Variants in RSBN1 observed in about 807,000 individuals in gnomAD.
RSBN1 encodes lysine-specific demethylase 9.
In RSBN1, 23 loss-of-function variants were observed where a neutral mutation model predicts 74.8. That is an observed-to-expected ratio of 0.31 (90% CI 0.22 to 0.44). The LOEUF (loss-of-function observed/expected upper bound fraction) is 0.44. RSBN1 is among the 20% of genes least tolerant of loss of function. The pLI, the probability that RSBN1 is intolerant of heterozygous loss-of-function variation, is 1.00. For missense variants in RSBN1, 808 were observed against 1,020.9 expected, an observed-to-expected ratio of 0.79 and a Z score of 2.84; for synonymous variants, 407 against 379.6, an observed-to-expected ratio of 1.07 and a Z score of -0.84.
chr1:113,766,836 C>T (rs1659789538), intron 6 of RSBN1, among the ~76,000 whole-genome samples: 1 of 152,208 alleles, frequency 6.6e-6, no homozygotes, highest in African/African-American at 2.4e-5. Flanking sequence ...ACAAGTGAGA[C>T]AGCTCATGGC....
chr1:113,786,428 G>C (rs1198890080), intron 2 of RSBN1, among the ~76,000 whole-genome samples: 1 of 152,176 alleles, frequency 6.6e-6, no homozygotes, highest in Non-Finnish European at 1.5e-5. Context: ...CTGAGATGGG[G>C]AGAGTCTCCT....
In RSBN1 at chr1:113,765,953, T is replaced by TA. The variant is rs1486337973; in HGVS notation, c.*26dup. ...ACTTCACATCAAAATTTAAAAAAGT[T>TA]AAAAAATGTGTTTGAATATGTACAT... On this transcript the variant is annotated 3_prime_UTR_variant, in exon 7 of 7. Transcript: ENST00000261441. The TA allele has an allele frequency of 6.5e-7, 1 of 1,550,382 alleles. No individual in the cohort carries two copies. Among genetic ancestry groups the TA allele is most frequent in the East Asian group, 2.3e-5 (1 of 43,994 alleles).
At chr1:113,775,441 A>G (rs894991882) in intron 4 of RSBN1, among the ~76,000 whole-genome samples, 1 of 152,032 alleles carries the variant, frequency 6.6e-6, no homozygotes, top group Non-Finnish European at 1.5e-5. Flanking sequence ...TCCTGAGTTC[A>G]AGCGATTCTC....
rs1210399249 is a variant in RSBN1, at chr1:113,783,567, T to C, written c.1378-5759A>G. Reference sequence around the variant, plus strand: ...CCTTCTTTTTAGTAAGAAAATTTCCTGGGCATATGGCCAATAAGCTAGGCT... The same window carrying C: ...CCTTCTTTTTAGTAAGAAAATTTCCCGGGCATATGGCCAATAAGCTAGGCT... On this transcript the variant is annotated intron_variant, in intron 2 of 6. Coordinates refer to ENST00000261441, the MANE Select transcript of RSBN1 (RefSeq NM_018364.5). Among the ~76,000 whole-genome samples, 4 of 152,298 alleles carry C rather than the reference T, an allele frequency of 2.6e-5. No individual in the cohort carries two copies. In the East Asian group the frequency reaches 7.7e-4, roughly 29 times the overall value.
intron 2 of RSBN1, among the ~76,000 whole-genome samples, chr1:113,787,164 T>G (rs1017795309): frequency 6.6e-6 from 1 of 152,196 alleles, no homozygotes; most frequent in African/African-American, 2.4e-5. Flanking sequence ...AGTCCTCTTT[T>G]GTGTGATCAT....
At chr1:113,799,391 T>C (rs1044271658) in intron 1 of RSBN1, among the ~76,000 whole-genome samples, 4 of 152,044 alleles carry the variant, frequency 2.6e-5, no homozygotes, top group African/African-American at 9.7e-5. Context: ...AAGTACCAGA[T>C]AGTGATAAGT....
At chr1:113,774,551 G>A (rs1659977901) in intron 4 of RSBN1, among the ~76,000 whole-genome samples, 1 of 151,846 alleles carries the variant, frequency 6.6e-6, no homozygotes, top group African/African-American at 2.4e-5. Context: ...ATAGCGGGAG[G>A]CTGTAGTCCC....
rs1225526604 is a variant in RSBN1, at chr1:113,763,765, T to G, written c.*2215A>C. 6.5e-6 allele frequency: 1 copy of G among 152,704 alleles called. No homozygotes were observed. Among genetic ancestry groups the G allele is most frequent in the Non-Finnish European group, 1.5e-5 (1 of 68,028 alleles). The allele number at this position is 152,704 out of a possible 1,614,324, so 9.5% of individuals were successfully genotyped here. On this transcript the variant is annotated 3_prime_UTR_variant, in exon 7 of 7. Transcript: ENST00000261441. Reference sequence around the variant, plus strand: ...GTTTTATAAAAGGAAAATGGGGATTTGCTTTTGATTGTAGGTCTTTGCAGA... The same window carrying G: ...GTTTTATAAAAGGAAAATGGGGATTGGCTTTTGATTGTAGGTCTTTGCAGA...
At chr1:113,784,667 G>A (rs565717834) in intron 2 of RSBN1, among the ~76,000 whole-genome samples, 6 of 152,296 alleles carry the variant, frequency 3.9e-5, no homozygotes, top group South Asian at 4.1e-4. Context: ...GACAGGAGGC[G>A]GAGCTCAAGC....
chr1:113,810,384 A>AACACACACACAC (rs113663525), intron 1 of RSBN1, among the ~76,000 whole-genome samples: 14 of 146,730 alleles, frequency 9.5e-5, no homozygotes, highest in African/African-American at 3.5e-4. Context: ...GTACAGTTAA[A>AACACACACACAC]ACACACACAC....
At chr1:113,777,877 G>A in intron 2 of RSBN1, 69 bp from the exon 3 acceptor site, 1 of 1,353,674 alleles carries the variant, frequency 7.4e-7, no homozygotes, top group East Asian at 2.6e-5. Flanking sequence ...AATTAAAATA[G>A]GTTATTGTTT....
intron 2 of RSBN1, among the ~76,000 whole-genome samples, chr1:113,792,973 G>A (rs781283100): frequency 1.3e-4 from 20 of 152,138 alleles, no homozygotes; most frequent in Admixed American, 2.0e-4. Flanking sequence ...GAACATTTGA[G>A]TTTTCTAGAA....
intron 4 of RSBN1, among the ~76,000 whole-genome samples, chr1:113,769,127 G>A (rs965597022): frequency 6.6e-6 from 1 of 152,080 alleles, no homozygotes; most frequent in African/African-American, 2.4e-5. Flanking sequence ...CTTTGTCCAT[G>A]ACTTCACTTT....
At chr1:113,786,430 G>C (rs1486324714) in intron 2 of RSBN1, among the ~76,000 whole-genome samples, 1 of 152,178 alleles carries the variant, frequency 6.6e-6, no homozygotes, top group Non-Finnish European at 1.5e-5. Context: ...GAGATGGGGA[G>C]AGTCTCCTGG....
intron 1 of RSBN1, among the ~76,000 whole-genome samples, chr1:113,799,007 GTTA>G (rs909672821): frequency 3.3e-5 from 5 of 152,128 alleles, no homozygotes; most frequent in Non-Finnish European, 7.4e-5. Flanking sequence ...TATACTCTGT[GTTA>G]TTAACATTTC....
intron 2 of RSBN1, among the ~76,000 whole-genome samples, chr1:113,782,304 G>A (rs542840002): frequency 1.5e-4 from 23 of 152,132 alleles, no homozygotes; most frequent in Non-Finnish European, 2.6e-4. Context: ...TAGATTTGGA[G>A]TTATAACTAG....
intron 4 of RSBN1, among the ~76,000 whole-genome samples, chr1:113,775,416 A>G (rs1458172147): frequency 6.6e-6 from 1 of 151,674 alleles, no homozygotes; most frequent in Non-Finnish European, 1.5e-5. Flanking sequence ...ATCTCAGCTC[A>G]CTGCGACCTC....
chr1:113,791,982 G>A (rs1371568004), intron 2 of RSBN1, among the ~76,000 whole-genome samples: 1 of 151,938 alleles, frequency 6.6e-6, no homozygotes, highest in African/African-American at 2.4e-5. Context: ...CACAACGAGG[G>A]AATAACATTT....
intron 4 of RSBN1, among the ~76,000 whole-genome samples, chr1:113,775,564 T>G (rs1660009535): frequency 6.6e-6 from 1 of 151,736 alleles, no homozygotes; most frequent in Non-Finnish European, 1.5e-5. Context: ...CTTGAACTCC[T>G]GGACTCAAGC....
Sources: allele counts gnomAD v4.1 joint callset (sites outside exome capture counted in the v4.1 genomes callset), GRCh38; gene constraint gnomAD v4.1.1; transcripts MANE v1.5; gene names NCBI Gene and HGNC (gene_info 2026-07-23, HGNC 2026-07-21).